Variants in CIT observed in about 807,000 individuals in gnomAD.
CIT encodes the protein citron Rho-interacting kinase.
In CIT, 79 loss-of-function variants were observed where a neutral mutation model predicts 272.7. The ratio of observed to expected loss-of-function variants is 0.29; its 90% CI spans 0.24 to 0.35. CIT has a LOEUF of 0.35. Ranked by LOEUF, CIT falls within the 10% of genes least tolerant of loss-of-function variation. CIT has a pLI of 1.00. For missense variants in CIT, 1,909 were observed against 2,618.3 expected (o/e 0.73, Z 5.91); for synonymous variants, 948 against 995.6 (o/e 0.95, Z 0.90).
chr12:119,773,754 A>G (rs1963443591), intron 16 of CIT, among the ~76,000 whole-genome samples: 1 of 152,124 alleles, frequency 6.6e-6, no homozygotes, highest in Non-Finnish European at 1.5e-5. Flanking sequence ...AAATGTGGCT[A>G]CTAGAAAATT....
rs59234933 is a variant in CIT at position 119,824,108 on chromosome 12, G to GTATATA, written c.957+1051_957+1056dup. On this transcript the variant is annotated intron_variant, in intron 8 of 47. Transcript: ENST00000392521. The stretch of plus-strand genomic sequence containing the variant: ...ACAGTTATTAGAAAATAGTTTTACT[G>GTATATA]TATATATATATATATATATATATAT... 1.6e-3 allele frequency among the ~76,000 whole-genome samples: 195 copies of GTATATA among 125,492 alleles called. 1 individual carries two copies. Among genetic ancestry groups the GTATATA allele is most frequent in the East Asian group, 4.1e-3 (17 of 4,142 alleles). The allele number at this position is 125,492 out of a possible 152,430, so 82.3% of individuals were successfully genotyped here.
chr12:119,755,786 T>C (rs278136), intron 22 of CIT, among the ~76,000 whole-genome samples: 108,874 of 152,072 alleles, frequency 0.72, 39,595 homozygotes, highest in Middle Eastern at 0.86. Context: ...ACCCAATTTG[T>C]TGTATTTTCC....
intron 44 of CIT, 189 bp downstream of exon 44, chr12:119,700,556 T>TA: frequency 1.9e-6 from 1 of 529,356 alleles, no homozygotes; most frequent in Middle Eastern, 5.4e-4. Flanking sequence ...CTAATTTTTG[T>TA]ATTTTTAGTA....
chr12:119,744,530 G>C (rs1405917480), intron 23 of CIT, among the ~76,000 whole-genome samples: 1 of 151,690 alleles, frequency 6.6e-6, no homozygotes, highest in Non-Finnish European at 1.5e-5. Flanking sequence ...AGACCATCCT[G>C]GCTAACAGGA....
chr12:119,844,264 C>T (rs765395389), intron 5 of CIT, among the ~76,000 whole-genome samples: 4 of 151,990 alleles, frequency 2.6e-5, no homozygotes, highest in East Asian at 3.9e-4. Flanking sequence ...TAAGGTTATC[C>T]GCTCGCCTCG....
At chr12:119,785,430 A>G (rs1420727777) in intron 10 of CIT, among the ~76,000 whole-genome samples, 2 of 152,192 alleles carry the variant, frequency 1.3e-5, no homozygotes, top group African/African-American at 2.4e-5. Flanking sequence ...AACACGGAGG[A>G]AGGGGCCACA....
intron 24 of CIT, among the ~76,000 whole-genome samples, chr12:119,737,485 T>C (rs1171709137): frequency 6.6e-6 from 1 of 152,088 alleles, no homozygotes; most frequent in Non-Finnish European, 1.5e-5. Flanking sequence ...AAAAATGCAA[T>C]TTATCATTTG....
chr12:119,700,636 C>T, intron 44 of CIT, 109 bp downstream of exon 44: 1 of 900,984 alleles, frequency 1.1e-6, no homozygotes, highest in Non-Finnish European at 1.9e-6. Flanking sequence ...CCGCCTCGGC[C>T]TCCCAAAGTG....
chr12:119,818,282 A>G (rs1967384192), intron 9 of CIT, among the ~76,000 whole-genome samples: 1 of 152,130 alleles, frequency 6.6e-6, no homozygotes, highest in Non-Finnish European at 1.5e-5. Context: ...CCTAAACAAT[A>G]TTGTTGACCA....
At chr12:119,858,960 A>C (rs1035790443) in intron 3 of CIT, among the ~76,000 whole-genome samples, 1 of 152,192 alleles carries the variant, frequency 6.6e-6, no homozygotes, top group Non-Finnish European at 1.5e-5. Flanking sequence ...ATACAGTCTT[A>C]TTATTTTTCC....
intron 4 of CIT, among the ~76,000 whole-genome samples, chr12:119,852,920 A>C (rs1321017113): frequency 1.3e-5 from 2 of 152,102 alleles, no homozygotes. Context: ...GGTTTAAGAA[A>C]AAAAGTTGTT....
intron 4 of CIT, among the ~76,000 whole-genome samples, chr12:119,852,662 C>A (rs1362833203): frequency 6.6e-6 from 1 of 151,554 alleles, no homozygotes; most frequent in Non-Finnish European, 1.5e-5. Context: ...GATCTCGCCA[C>A]TGCACTCTAG....
Position 119,694,425 on chromosome 12 carries a change from AACT to A in CIT, c.5882+3231_5882+3233del, listed in dbSNP as rs1956117281. On this transcript the variant is annotated intron_variant, in intron 46 of 47. Transcript: ENST00000392521. The surrounding 1 kb of genome is among the most constrained non-coding windows in gnomAD (Gnocchi z 4.5). ...GGCATCTGGGGAGAAATGAATGAAT[AACT>A]ACTTCTCACACTGACACGGAGCAAT... is the stretch of plus-strand genomic sequence containing the variant. Among the ~76,000 whole-genome samples the A allele has an allele frequency of 6.6e-6, 1 of 152,234 alleles. No homozygotes were observed. Among genetic ancestry groups the A allele is most frequent in the Admixed American group, 6.5e-5 (1 of 15,286 alleles).
At chr12:119,738,192 C>T (rs779861613) in intron 24 of CIT, among the ~76,000 whole-genome samples, 3 of 152,132 alleles carry the variant, frequency 2.0e-5, no homozygotes, top group Non-Finnish European at 2.9e-5. Context: ...GCCCCCTGAA[C>T]CATACTGCCT....
At chr12:119,762,118 G>T (rs1961880019) in intron 19 of CIT, among the ~76,000 whole-genome samples, 1 of 152,152 alleles carries the variant, frequency 6.6e-6, no homozygotes, top group Admixed American at 6.5e-5. Flanking sequence ...TGTCTATTGT[G>T]AAAGGACTGT....
At chr12:119,862,505 CAG>C (rs1188470327) in intron 3 of CIT, among the ~76,000 whole-genome samples, 1 of 151,852 alleles carries the variant, frequency 6.6e-6, no homozygotes, top group Non-Finnish European at 1.5e-5. Context: ...ATGTAATCCC[CAG>C]TGTAATACTA....
chr12:119,712,320 G>A lies in CIT; in HGVS notation c.4712C>T (p.Ser1571Phe), dbSNP rs1048330358. The A allele has an allele frequency of 5.0e-6, 8 of 1,613,384 alleles. No homozygotes were observed. Among genetic ancestry groups the A allele is most frequent in the Non-Finnish European group, 6.8e-6 (8 of 1,179,690 alleles). ...GGGCCAGCAGGTGGTGTGCGGGTGA[G>A]ATTCCATCTTCAGTATGTATGGGAC... ...ADVPYILKME[S>F]HPHTTCWPGR... is the part of the protein sequence containing the mutation. Residue 1571 changes from serine (S) to phenylalanine (F), a missense_variant, in exon 37 of 48, where the codon TCT becomes TTT. Physicochemically the swap from Ser to Phe is radical, Grantham distance 155. Transcript: ENST00000392521. This position sits in a 1 kb window ranked among gnomAD's most constrained non-coding sequence, Gnocchi z 5.2.
chr12:119,782,778 T>C lies in CIT; in HGVS notation c.1546-141A>G, dbSNP rs551193411. 49 of 1,038,660 alleles carry C rather than the reference T, an allele frequency of 4.7e-5. No individual in the cohort carries two copies. The African/African-American group carries it at 7.7e-4, about 16-fold the overall frequency. 64.3% of individuals were successfully genotyped at this position (1,038,660 alleles called of 1,614,324 possible). A position where few individuals can be genotyped will look rare whatever the true frequency, so the allele number is the denominator to read the frequency against. ...ACCACAGTTCACAACTTCCAGTTGGTTGCCGACTCCGGTTTCCATCCTGTA... is the reference window on the plus strand; with the variant it reads ...ACCACAGTTCACAACTTCCAGTTGGCTGCCGACTCCGGTTTCCATCCTGTA... On this transcript the variant is annotated intron_variant, in intron 12 of 47. Coordinates refer to ENST00000392521, the MANE Select transcript of CIT (RefSeq NM_001206999.2).
chr12:119,745,170 A>G (rs1959195381), intron 23 of CIT, among the ~76,000 whole-genome samples: 1 of 151,236 alleles, frequency 6.6e-6, no homozygotes, highest in Admixed American at 6.6e-5. Context: ...AGCACACTAT[A>G]ATGAAACTGT....
Sources: allele counts gnomAD v4.1 joint callset (sites outside exome capture counted in the v4.1 genomes callset), GRCh38; gene constraint gnomAD v4.1.1; non-coding constraint Gnocchi (gnomAD v3.1); transcripts MANE v1.5; gene names NCBI Gene and HGNC (gene_info 2026-07-23, HGNC 2026-07-21).